Variants in GAD1 observed in about 807,000 individuals in gnomAD.
GAD1 encodes 67 kDa glutamic acid decarboxylase.
In GAD1, 35 loss-of-function variants were observed where a neutral mutation model predicts 75.2. The observed-to-expected ratio is 0.47, with a 90% CI of 0.36 to 0.62. The LOEUF (loss-of-function observed/expected upper bound fraction) is 0.62, where lower values mean the gene tolerates loss of function less well. GAD1 is among the 20% of genes least tolerant of loss of function. GAD1 has a pLI of 0.00. For synonymous variants in GAD1, 257 were observed against 271.9 expected, an observed-to-expected ratio of 0.95 and a Z score of 0.54; for missense variants, 490 against 758.5, an observed-to-expected ratio of 0.65 and a Z score of 4.16.
intron 5 of GAD1, among the ~76,000 whole-genome samples, chr2:170,835,724 T>C (rs1702354081): frequency 6.6e-6 from 1 of 152,240 alleles, no homozygotes; most frequent in Non-Finnish European, 1.5e-5. Context: ...TGAAGTGTTA[T>C]TGTTAAAAGT....
At chr2:170,856,794 T>C (rs1426786083) in intron 14 of GAD1, among the ~76,000 whole-genome samples, 1 of 152,182 alleles carries the variant, frequency 6.6e-6, no homozygotes, top group African/African-American at 2.4e-5. Flanking sequence ...CAGTTGAGAA[T>C]AACTACCCAG....
Position 170,853,090 on chromosome 2 carries a change from A to C in GAD1, c.1263+298A>C. On this transcript the variant is annotated intron_variant, in intron 13 of 16. Transcript: ENST00000358196. This position sits in a 1 kb window ranked among gnomAD's most constrained non-coding sequence, Gnocchi z 4.1. ...TGTTTGCACAAAAAAAGTGGGAGCA[A>C]GTAGGTGAGGCATCCAATCAGTTTT... 2.2e-6 allele frequency: 1 copy of C among 460,218 alleles called. No homozygotes were observed. The highest frequency in any genetic ancestry group is 2.2e-5 in the South Asian group (1 of 45,110). 28.5% of individuals were successfully genotyped at this position (460,218 alleles called of 1,614,324 possible).
chr2:170,859,998 C>A lies in GAD1; in HGVS notation c.*116C>A. 1.1e-6 allele frequency: 1 copy of A among 937,282 alleles called. No individual in the cohort carries two copies. The allele number at this position is 937,282 out of a possible 1,614,324, so 58.1% of individuals were successfully genotyped here. ...ATTTCATTGAGGGAAAACATAATATCTTGAAGAATATTGTTAAAACCTTAC... is the reference window on the plus strand; with the variant it reads ...ATTTCATTGAGGGAAAACATAATATATTGAAGAATATTGTTAAAACCTTAC... On this transcript the variant is annotated 3_prime_UTR_variant, in exon 17 of 17. Transcript: ENST00000358196.
At chr2:170,854,247 C>T (rs180754784) in intron 14 of GAD1, among the ~76,000 whole-genome samples, 14 of 152,208 alleles carry the variant, frequency 9.2e-5, no homozygotes, top group African/African-American at 2.9e-4. Flanking sequence ...ATGAAGTCTT[C>T]TTATAACGTT....
chr2:170,847,414 CT>C (rs541944117), intron 10 of GAD1, among the ~76,000 whole-genome samples: 608 of 152,326 alleles, frequency 4.0e-3, no homozygotes, highest in Admixed American at 6.7e-3. Flanking sequence ...TGACAGAATT[CT>C]TTATCTGTTG....
chr2:170,828,755 G>GCCCTCCTCCCTCTGCTGTCCTCA (rs1702129088), intron 3 of GAD1, among the ~76,000 whole-genome samples: 1 of 88,200 alleles, frequency 1.1e-5, no homozygotes, highest in African/African-American at 4.6e-5. Context: ...TGCTGTCCTC[G>GCCCTCCTCCCTCTGCTGTCCTCA]CCCTCCTACC....
Position 170,831,055 on chromosome 2 carries a change from A to G in GAD1, c.410A>G (p.Lys137Arg). Residue 137 changes from lysine (K) to arginine (R), a missense_variant, in exon 5 of 17, where the codon AAG becomes AGG. Around this residue, in one of 3 missense-constraint regions of GAD1, gnomAD observed 165 missense variants for 216.4 expected, o/e 0.76. Coordinates refer to ENST00000358196, the MANE Select transcript of GAD1 (RefSeq NM_000817.3). ...CGCAAGACATTTGATCGCTCCACCA[A>G]GGTGCTGGACTTTCATCACCCACAC... is the stretch of plus-strand genomic sequence containing the variant. ...YVRKTFDRST[K>R]VLDFHHPHQL... 6.2e-7 allele frequency: 1 copy of G among 1,614,216 alleles called. No individual in the cohort carries two copies. The highest frequency in any genetic ancestry group is 8.5e-7 in the Non-Finnish European group (1 of 1,180,046).
intron 2 of GAD1, among the ~76,000 whole-genome samples, chr2:170,821,056 T>C (rs1329410904): frequency 6.6e-6 from 1 of 152,256 alleles, no homozygotes; most frequent in Admixed American, 6.5e-5. Context: ...TGGGGCTCTG[T>C]TGTGCCTCAG....
chr2:170,842,030 G>A (rs1702528806), intron 6 of GAD1, among the ~76,000 whole-genome samples: 2 of 152,230 alleles, frequency 1.3e-5, no homozygotes, highest in African/African-American at 4.8e-5. Flanking sequence ...ACCTGGCATA[G>A]ATAAGGAACC....
intron 15 of GAD1, 82 bp downstream of exon 15, chr2:170,857,207 G>GA: frequency 9.3e-7 from 1 of 1,069,678 alleles, no homozygotes; most frequent in Non-Finnish European, 1.4e-6. Flanking sequence ...GGCAACATGG[G>GA]AAAATCAATC....
chr2:170,831,524 G>A (rs1702223404), intron 5 of GAD1, among the ~76,000 whole-genome samples: 1 of 151,338 alleles, frequency 6.6e-6, no homozygotes, highest in African/African-American at 2.4e-5. Context: ...GGAGGCCAAG[G>A]TGGGCAGAAC....
Position 170,818,296 on chromosome 2 carries a change from G to C in GAD1, c.-63-233G>C. On this transcript the variant is annotated intron_variant, in intron 1 of 16. Coordinates refer to ENST00000358196, the MANE Select transcript of GAD1 (RefSeq NM_000817.3). This position sits in a 1 kb window ranked among gnomAD's most constrained non-coding sequence, Gnocchi z 5.9. ...GTCGCGCCGATGCACCGCCAGACTC[G>C]AGAGCGGCCCAGGGCTACGCTCCCT... 3.6e-6 allele frequency: 1 copy of C among 277,408 alleles called. No homozygotes were observed. Among genetic ancestry groups the C allele is most frequent in the Non-Finnish European group, 6.9e-6 (1 of 144,182 alleles). The allele number at this position is 277,408 out of a possible 1,614,324, so 17.2% of individuals were successfully genotyped here. A position where few individuals can be genotyped will look rare whatever the true frequency, so the allele number is the denominator to read the frequency against.
intron 3 of GAD1, among the ~76,000 whole-genome samples, chr2:170,822,408 C>CT (rs575506244): frequency 2.8e-4 from 42 of 152,356 alleles, no homozygotes; most frequent in South Asian, 1.2e-3. Context: ...GCCGGGTGCC[C>CT]TGCCTGGGCG....
intron 12 of GAD1, among the ~76,000 whole-genome samples, chr2:170,850,811 C>T (rs1022370066): frequency 5.3e-5 from 8 of 152,052 alleles, no homozygotes; most frequent in Non-Finnish European, 7.4e-5. Flanking sequence ...CTCAGGAGTT[C>T]GGGACCAGCC....
chr2:170,831,717 A>T (rs1463434370), intron 5 of GAD1, among the ~76,000 whole-genome samples: 1 of 142,826 alleles, frequency 7.0e-6, no homozygotes, highest in Non-Finnish European at 1.5e-5. Context: ...AATAAAATTT[A>T]AAAATAATAA....
In GAD1 at chr2:170,818,566, G is replaced by A; in HGVS notation, c.-26G>A. ...CCGGACCAGTCGAGGACTCTGGACA[G>A]TAGAGGCCCCGGGACGACCGAGCTG... On this transcript the variant is annotated 5_prime_UTR_variant, in exon 2 of 17. Transcript: ENST00000358196. The surrounding 1 kb of genome is among the most constrained non-coding windows in gnomAD (Gnocchi z 5.9). 1 of 1,610,176 alleles carries A rather than the reference G, an allele frequency of 6.2e-7. No homozygotes were observed. The highest frequency in any genetic ancestry group is 8.5e-7 in the Non-Finnish European group (1 of 1,176,350).
chr2:170,829,790 G>T (rs1159690397), intron 4 of GAD1, 157 bp downstream of exon 4: 1 of 789,720 alleles, frequency 1.3e-6, no homozygotes, highest in African/African-American at 1.7e-5. Flanking sequence ...GAATATAATT[G>T]ACTCCCTCCC....
intron 6 of GAD1, 44 bp from the exon 7 acceptor site, chr2:170,844,001 G>C (rs1575440830): frequency 3.7e-6 from 4 of 1,094,152 alleles, no homozygotes; most frequent in East Asian, 4.7e-5. Flanking sequence ...TAAGTGGTTT[G>C]ACTTCTTTAT....
At chr2:170,820,281 T>G (rs1162822696) in intron 2 of GAD1, among the ~76,000 whole-genome samples, 2 of 152,124 alleles carry the variant, frequency 1.3e-5, no homozygotes, top group Non-Finnish European at 2.9e-5. Flanking sequence ...AAGTCACCGG[T>G]AGGAGACACA....
Sources: gnomAD v4.1 joint callset for allele counts (sites outside exome capture counted in the v4.1 genomes callset) on GRCh38, gnomAD v4.1.1 for gene constraint, gnomAD v4.1.1 regional missense constraint, Gnocchi (gnomAD v3.1) non-coding constraint, MANE v1.5 for transcripts, NCBI Gene and HGNC (gene_info 2026-07-23, HGNC 2026-07-21) for gene names.